Variants in KLF17 observed in about 807,000 individuals in gnomAD.
KLF17 encodes KLF transcription factor 17.
A neutral mutation model predicts 34.2 loss-of-function variants in KLF17; 31 were observed. That is an observed-to-expected ratio of 0.91 (90% CI 0.68 to 1.22). The LOEUF (loss-of-function observed/expected upper bound fraction) is 1.22, where lower values mean the gene tolerates loss of function less well. Ranked by LOEUF, KLF17 falls within the 50% of genes most tolerant of loss-of-function variation. KLF17 has a pLI of 0.00. For missense variants in KLF17, 478 were observed against 505.2 expected (o/e 0.95, Z 0.52); for synonymous variants, 179 against 186.7 (o/e 0.96, Z 0.34).
the KLF17 span, among the ~76,000 whole-genome samples, chr1:44,092,322 G>A: frequency 2.0e-5 from 3 of 151,846 alleles, no homozygotes; most frequent in Admixed American, 6.6e-5. Flanking sequence ...ATCTAGCCTG[G>A]GCAACAAGAA....
At chr1:44,081,532 C>CA in the KLF17 span, among the ~76,000 whole-genome samples, 1 of 151,654 alleles carries the variant, frequency 6.6e-6, no homozygotes, top group Admixed American at 6.6e-5. Flanking sequence ...TCTCTTGCCT[C>CA]AACCTCCCAA....
chr1:44,101,854 G>A, the KLF17 span, among the ~76,000 whole-genome samples: 5 of 151,810 alleles, frequency 3.3e-5, no homozygotes, highest in East Asian at 1.9e-4. Flanking sequence ...TAGTGAAACC[G>A]TGTTTCTCAA....
chr1:44,057,787 T>G, the KLF17 span, among the ~76,000 whole-genome samples: 1 of 152,160 alleles, frequency 6.6e-6, no homozygotes, highest in East Asian at 1.9e-4. Context: ...AAGAAATTAT[T>G]CCAGACTGTA....
the KLF17 span, among the ~76,000 whole-genome samples, chr1:44,101,041 T>C: frequency 3.3e-5 from 5 of 152,202 alleles, no homozygotes; most frequent in Non-Finnish European, 7.3e-5. Context: ...ACTAGGACTC[T>C]AAGTACCTTC....
the KLF17 span, among the ~76,000 whole-genome samples, chr1:44,108,637 A>G: frequency 6.9e-6 from 1 of 144,854 alleles, no homozygotes; most frequent in African/African-American, 2.5e-5. Context: ...GTGAGAGATG[A>G]CAGAGAATCT....
chr1:44,122,565 G>A (rs555326137), intron 1 of KLF17: 115 of 769,238 alleles, frequency 1.5e-4, no homozygotes, highest in Admixed American at 4.9e-4. Context: ...TCCAACAACC[G>A]AATACTGACC....
At chr1:44,083,281 G>GTTT in the KLF17 span, among the ~76,000 whole-genome samples, 14 of 143,464 alleles carry the variant, frequency 9.8e-5, no homozygotes, top group Middle Eastern at 3.6e-3. Flanking sequence ...ATTGAGTAGG[G>GTTT]TTTTTTTTTT....
the KLF17 span, among the ~76,000 whole-genome samples, chr1:44,055,681 A>ACCC: frequency 6.6e-6 from 1 of 152,072 alleles, no homozygotes; most frequent in Non-Finnish European, 1.5e-5. Context: ...CTGTTAGTGT[A>ACCC]CCCCCATTCC....
upstream of KLF17, among the ~76,000 whole-genome samples, chr1:44,118,497 T>TGCCTCTCTCTCCAGCCTC (rs1388432931): frequency 0.012 from 1,751 of 152,170 alleles, 41 homozygotes; most frequent in African/African-American, 0.04. Context: ...CACCCAACCT[T>TGCCTCTCTCTCCAGCCTC]GCCTCTCTCT....
At chr1:44,072,025 A>G in the KLF17 span, among the ~76,000 whole-genome samples, 1 of 151,934 alleles carries the variant, frequency 6.6e-6, no homozygotes, top group African/African-American at 2.4e-5. Flanking sequence ...TGACTGGGCA[A>G]GTGATCATGG....
At chr1:44,124,188 C>T (rs1388123596) in intron 1 of KLF17, among the ~76,000 whole-genome samples, 2 of 151,888 alleles carry the variant, frequency 1.3e-5, no homozygotes, top group East Asian at 3.9e-4. Context: ...AAGTATTATC[C>T]ATTTACTTTC....
chr1:44,062,840 A>T, the KLF17 span, among the ~76,000 whole-genome samples: 7 of 152,336 alleles, frequency 4.6e-5, no homozygotes, highest in East Asian at 1.3e-3. Context: ...AGTGTTTACT[A>T]AAGCTAAACA....
chr1:44,064,462 G>C, the KLF17 span, among the ~76,000 whole-genome samples: 2 of 152,130 alleles, frequency 1.3e-5, no homozygotes, highest in Admixed American at 6.5e-5. Context: ...TTTCATATTA[G>C]GGATGCACTA....
chr1:44,102,797 G>T, the KLF17 span, among the ~76,000 whole-genome samples: 1 of 151,992 alleles, frequency 6.6e-6, no homozygotes, highest in Non-Finnish European at 1.5e-5. Flanking sequence ...GGCCAGAGGG[G>T]TGCTTGGACA....
the KLF17 span, chr1:44,104,968 G>C: frequency 6.3e-6 from 1 of 158,736 alleles, no homozygotes; most frequent in African/African-American, 2.4e-5. Flanking sequence ...AATTAGCCAG[G>C]TATGGTGGAG....
At chr1:44,086,616 C>T in the KLF17 span, among the ~76,000 whole-genome samples, 1 of 152,204 alleles carries the variant, frequency 6.6e-6, no homozygotes, top group East Asian at 1.9e-4. Flanking sequence ...GAAGCTAGTA[C>T]AGCATCTTTG....
the KLF17 span, among the ~76,000 whole-genome samples, chr1:44,060,837 A>G: frequency 2.0e-5 from 3 of 152,226 alleles, no homozygotes; most frequent in African/African-American, 7.2e-5. Context: ...TGGATTATCT[A>G]CTAGCTGAAC....
the KLF17 span, among the ~76,000 whole-genome samples, chr1:44,065,803 C>CATAT: frequency 1.6e-4 from 25 of 152,216 alleles, no homozygotes; most frequent in East Asian, 4.8e-3. Flanking sequence ...ATATTTATAA[C>CATAT]ATATATAATC....
At chr1:44,100,767 T>C in the KLF17 span, among the ~76,000 whole-genome samples, 1 of 152,152 alleles carries the variant, frequency 6.6e-6, no homozygotes. Flanking sequence ...GCAATTCTTG[T>C]GTCTCAGCCT....
Sources: gnomAD v4.1 joint callset for allele counts (sites outside exome capture counted in the v4.1 genomes callset) on GRCh38, gnomAD v4.1.1 for gene constraint, MANE v1.5 for transcripts, NCBI Gene and HGNC (gene_info 2026-07-23, HGNC 2026-07-21) for gene names.